The following JAK1 variants were observed in gnomAD, a reference collection of about 807,000 sequenced individuals.
JAK1 encodes Janus kinase 1.
JAK1 carries 16 observed loss-of-function variants against 136.6 expected under a neutral mutation model. The observed-to-expected ratio is 0.12, with a 90% CI of 0.08 to 0.18. The LOEUF is 0.18. JAK1 is among the 10% of genes least tolerant of loss of function. JAK1 has a pLI of 1.00. For missense variants in JAK1, 859 were observed against 1,450.1 expected, an observed-to-expected ratio of 0.59 and a Z score of 6.62; for synonymous variants, 492 against 519.5, an observed-to-expected ratio of 0.95 and a Z score of 0.72.
chr1:64,969,005 G>T (rs904868157), upstream of JAK1, among the ~76,000 whole-genome samples: 1 of 151,478 alleles, frequency 6.6e-6, no homozygotes, highest in Admixed American at 6.6e-5. Flanking sequence ...GACTACTTGG[G>T]AGGCTGATGC....
chr1:64,851,146 C>A (rs958526273), intron 11 of JAK1, among the ~76,000 whole-genome samples: 1 of 152,162 alleles, frequency 6.6e-6, no homozygotes, highest in African/African-American at 2.4e-5. Context: ...TTGTTCAGCT[C>A]CTCTAAAGAA....
intron 1 of JAK1, among the ~76,000 whole-genome samples, chr1:64,904,010 T>A (rs988692810): frequency 1.3e-5 from 2 of 152,216 alleles, no homozygotes; most frequent in Admixed American, 1.3e-4. Flanking sequence ...CATAGCTAGT[T>A]CAGTGCTCTG....
At chr1:65,066,185 CG>C (rs1159005968) in intron 1 of JAK1, among the ~76,000 whole-genome samples, 8 of 152,202 alleles carry the variant, frequency 5.3e-5, no homozygotes, top group Non-Finnish European at 8.8e-5. Context: ...AGCTGGCGTG[CG>C]GGTAGCAGAG....
intron 1 of JAK1, among the ~76,000 whole-genome samples, chr1:65,058,910 C>T (rs1389739277): frequency 2.0e-5 from 3 of 152,034 alleles, no homozygotes; most frequent in Non-Finnish European, 4.4e-5. Flanking sequence ...GTTCTAAAGC[C>T]CTCTTCTAGA....
At position 64,867,167 on chromosome 1, in the gene JAK1, C is replaced by G; in HGVS notation, c.689G>C (p.Arg230Thr). ...YIPETLNKSI[R>T]QRNLLTRMRI... ...CATCCTGGTGAGAAGGTTCCTCTGT[C>G]TGATGGACTTATTCAATGTTTCTGG... is the stretch of plus-strand genomic sequence containing the variant. Residue 230 changes from arginine (R) to threonine (T), a missense_variant, in exon 7 of 25, where the codon AGA becomes ACA. Around this residue, in one of 4 missense-constraint regions of JAK1, gnomAD observed 353 missense variants for 494.0 expected, o/e 0.71. Transcript: ENST00000342505. 3 of 1,608,414 alleles carry G rather than the reference C, an allele frequency of 1.9e-6. No homozygotes were observed. Among genetic ancestry groups the G allele is most frequent in the Non-Finnish European group, 2.6e-6 (3 of 1,175,596 alleles).
In JAK1 at chr1:64,861,593, A is replaced by G. The variant is rs375464564; in HGVS notation, c.1177-1331T>C. The stretch of plus-strand genomic sequence containing the variant: ...ATTAAAAAGCATCTGAGGCTTCAAA[A>G]AAGGGCAAAATGACTCTTTCATAGC... On this transcript the variant is annotated intron_variant, in intron 8 of 24. Coordinates refer to ENST00000342505, the MANE Select transcript of JAK1 (RefSeq NM_002227.4). Among the ~76,000 whole-genome samples, 114 of 152,316 alleles carry G rather than the reference A, an allele frequency of 7.5e-4. 1 individual carries two copies. In the South Asian group the frequency reaches 0.02, roughly 26 times the overall value.
chr1:65,052,738 C>T (rs543399892), intron 1 of JAK1, among the ~76,000 whole-genome samples: 13 of 151,402 alleles, frequency 8.6e-5, no homozygotes, highest in East Asian at 3.9e-4. Flanking sequence ...GGCGTGAACC[C>T]GGGAGGCAGA....
At chr1:65,000,864 G>C (rs1171002463) in intron 2 of JAK1, among the ~76,000 whole-genome samples, 4 of 150,490 alleles carry the variant, frequency 2.7e-5, no homozygotes, top group Admixed American at 6.6e-5. Flanking sequence ...TTTTTTTGGT[G>C]GGGGGGCGGT....
At position 64,833,597 on chromosome 1, in the gene JAK1, A is replaced by ATGAT. The variant is rs1484569748; in HGVS notation, c.*961_*964dup. On this transcript the variant is annotated 3_prime_UTR_variant, in exon 25 of 25. Coordinates refer to ENST00000342505, the MANE Select transcript of JAK1 (RefSeq NM_002227.4). Reference sequence around the variant, plus strand: ...CTTTCAAGTGTTGCACCACAGGGTGATGATTGATGGTAAAAACAGGGATCA... The same window carrying ATGAT: ...CTTTCAAGTGTTGCACCACAGGGTGATGATTGATTGATGGTAAAAACAGGGATCA... 2.6e-5 allele frequency: 6 copies of ATGAT among 232,858 alleles called. No individual in the cohort carries two copies. Among genetic ancestry groups the ATGAT allele is most frequent in the East Asian group, 6.0e-5 (1 of 16,578 alleles). The allele number at this position is 232,858 out of a possible 1,614,324, so 14.4% of individuals were successfully genotyped here. A position where few individuals can be genotyped will look rare whatever the true frequency, so the allele number is the denominator to read the frequency against.
chr1:64,845,729 A>G (rs1655189876), intron 14 of JAK1, 89 bp from the exon 15 acceptor site: 1 of 1,485,606 alleles, frequency 6.7e-7, no homozygotes, highest in African/African-American at 1.4e-5. Context: ...TTCAGTGGAC[A>G]CTACTCGGCC....
chr1:64,913,641 G>GAGAAAGGAAGGAAGGA (rs1357274757), intron 1 of JAK1, among the ~76,000 whole-genome samples: 7 of 56,836 alleles, frequency 1.2e-4, no homozygotes, highest in Non-Finnish European at 1.9e-4. Context: ...GGGAGGAAGG[G>GAGAAAGGAAGGAAGGA]AGGAAGGAAG....
intron 2 of JAK1, among the ~76,000 whole-genome samples, chr1:64,883,921 C>G (rs1644814214): frequency 6.6e-6 from 1 of 152,120 alleles, no homozygotes; most frequent in Non-Finnish European, 1.5e-5. Context: ...TGGCAAGAAT[C>G]AGCATTTTAA....
chr1:64,929,679 G>A (rs1045322066), intron 1 of JAK1, among the ~76,000 whole-genome samples: 1 of 151,970 alleles, frequency 6.6e-6, no homozygotes, highest in Non-Finnish European at 1.5e-5. Flanking sequence ...TAAGTAAATG[G>A]ATGATTCTTA....
chr1:64,833,483 T>TGAC lies in JAK1; in HGVS notation c.*1076_*1078dup, dbSNP rs1654261807. The stretch of plus-strand genomic sequence containing the variant: ...ACCGTAATCGTTCACATTGAATCAA[T>TGAC]GACTAAACATTTTTGATTACCCAGC... On this transcript the variant is annotated 3_prime_UTR_variant, in exon 25 of 25. Coordinates refer to ENST00000342505, the MANE Select transcript of JAK1 (RefSeq NM_002227.4). 3 of 233,052 alleles carry TGAC rather than the reference T, an allele frequency of 1.3e-5. No homozygotes were observed. The highest frequency in any genetic ancestry group is 1.8e-4 in the South Asian group (1 of 5,524). 14.4% of individuals were successfully genotyped at this position (233,052 alleles called of 1,614,324 possible).
chr1:65,023,708 C>T (rs1213912819), intron 2 of JAK1, among the ~76,000 whole-genome samples: 1 of 152,080 alleles, frequency 6.6e-6, no homozygotes, highest in Admixed American at 6.5e-5. Context: ...TGGCCTCGAT[C>T]TCCTGACTTC....
chr1:64,871,146 C>T (rs1224802288), intron 5 of JAK1, among the ~76,000 whole-genome samples: 1 of 152,186 alleles, frequency 6.6e-6, no homozygotes, highest in Non-Finnish European at 1.5e-5. Context: ...TTTTTCCACA[C>T]AGTATCTGCC....
Position 64,842,061 on chromosome 1 carries a change from TAAAC to T in JAK1, c.2404-464_2404-461del, listed in dbSNP as rs544072509. On this transcript the variant is annotated intron_variant, in intron 17 of 24. Transcript: ENST00000342505. ...CAAATATAAAATTAGTCAAGTAAAT[TAAAC>T]AAAACAATTAACTCTTACATTAAAT... Among the ~76,000 whole-genome samples, 92 of 152,280 alleles carry T rather than the reference TAAAC, an allele frequency of 6.0e-4. 1 individual carries two copies. Among genetic ancestry groups the T allele is most frequent in the African/African-American group, 2.0e-3 (84 of 41,554 alleles).
chr1:65,010,261 T>C (rs892804100), intron 2 of JAK1, among the ~76,000 whole-genome samples: 6 of 152,196 alleles, frequency 3.9e-5, no homozygotes, highest in Non-Finnish European at 7.3e-5. Flanking sequence ...TACAAGGCAC[T>C]GTGGCTTCCT....
Position 64,833,419 on chromosome 1 carries a change from C to T in JAK1, c.*1143G>A, listed in dbSNP as rs114379932. 17 of 232,882 alleles carry T rather than the reference C, an allele frequency of 7.3e-5. No individual in the cohort carries two copies. Among genetic ancestry groups the T allele is most frequent in the African/African-American group, 3.1e-4 (14 of 45,378 alleles). 14.4% of individuals were successfully genotyped at this position (232,882 alleles called of 1,614,324 possible). On this transcript the variant is annotated 3_prime_UTR_variant, in exon 25 of 25. Coordinates refer to ENST00000342505, the MANE Select transcript of JAK1 (RefSeq NM_002227.4). Reference sequence around the variant, plus strand: ...GTAACAATATCAAACGAATACTAAACAGCATAACAAAAAGATTTTCAGACT... The same window carrying T: ...GTAACAATATCAAACGAATACTAAATAGCATAACAAAAAGATTTTCAGACT...
Sources: allele counts gnomAD v4.1 joint callset (sites outside exome capture counted in the v4.1 genomes callset), GRCh38; gene constraint gnomAD v4.1.1; regional missense constraint gnomAD v4.1.1; transcripts MANE v1.5; gene names NCBI Gene and HGNC (gene_info 2026-07-23, HGNC 2026-07-21).